DOCK1: variants seen among roughly 807,000 people sequenced by gnomAD.
DOCK1 encodes dedicator of cytokinesis 1.
Under a neutral mutation model 262.7 loss-of-function variants are expected in DOCK1, and 138 were observed. That is an observed-to-expected ratio of 0.53 (90% CI 0.46 to 0.61). The LOEUF is 0.61. DOCK1 is among the 20% of genes least tolerant of loss of function. The probability of loss-of-function intolerance (pLI) is 0.00; values close to 1 mark genes in which losing one functional copy is unlikely to be tolerated. For synonymous variants in DOCK1, 866 were observed against 867.4 expected (o/e 1.00, Z 0.03); for missense variants, 1,908 against 2,370.7 (o/e 0.80, Z 4.05).
chr10:127,036,953 G>A (rs894765335), intron 18 of DOCK1, among the ~76,000 whole-genome samples: 8 of 145,134 alleles, frequency 5.5e-5, no homozygotes, highest in Non-Finnish European at 1.2e-4. Context: ...CTCCAGCCTG[G>A]GCAGCAAGAG....
chr10:127,010,457 A>C (rs1007616510), intron 11 of DOCK1, among the ~76,000 whole-genome samples: 4 of 152,202 alleles, frequency 2.6e-5, no homozygotes, highest in Non-Finnish European at 5.9e-5. Context: ...ACAGAGGGAG[A>C]TTCTGTCTCA....
At chr10:127,321,260 C>T (rs548333381) in intron 29 of DOCK1, among the ~76,000 whole-genome samples, 2 of 132,418 alleles carry the variant, frequency 1.5e-5, no homozygotes, top group African/African-American at 5.7e-5. Flanking sequence ...CTCTCCTCCC[C>T]TCTCCTCCCC....
At chr10:127,123,231 G>T (rs140637823) in intron 25 of DOCK1, among the ~76,000 whole-genome samples, 2,503 of 152,222 alleles carry the variant, frequency 0.016, 30 homozygotes, top group Non-Finnish European at 0.025. Context: ...TACCTGCTCA[G>T]GTCTTAGTGG....
At chr10:127,244,484 G>T (rs951957014) in intron 27 of DOCK1, among the ~76,000 whole-genome samples, 1 of 152,078 alleles carries the variant, frequency 6.6e-6, no homozygotes, top group East Asian at 1.9e-4. Flanking sequence ...TTTTAAAAAG[G>T]TTATAGCAAT....
chr10:127,272,797 G>T (rs937813202), intron 29 of DOCK1, among the ~76,000 whole-genome samples: 1 of 152,204 alleles, frequency 6.6e-6, no homozygotes, highest in African/African-American at 2.4e-5. Flanking sequence ...GGCAGAAGGT[G>T]AAGGGCATGT....
At chr10:127,093,239 C>CTTTCTTTCTTTCTTTCTTTT (rs372397425) in intron 23 of DOCK1, among the ~76,000 whole-genome samples, 1 of 94,262 alleles carries the variant, frequency 1.1e-5, no homozygotes, top group African/African-American at 4.9e-5. Context: ...TTCTTTCTTT[C>CTTTCTTTCTTTCTTTCTTTT]TTCTTTTTTT....
At chr10:127,153,939 A>G in intron 27 of DOCK1, 1 of 1,608,310 alleles carries the variant, frequency 6.2e-7, no homozygotes, top group Non-Finnish European at 8.5e-7. Flanking sequence ...AGATAAGAAC[A>G]GGAGAGCATT....
At chr10:127,112,696 TATTGTGGGCTAAATGAACCA>T in intron 25 of DOCK1, among the ~76,000 whole-genome samples, 1 of 152,274 alleles carries the variant, frequency 6.6e-6, no homozygotes, top group Non-Finnish European at 1.5e-5. Context: ...AATCCCAAAT[TATTGTGGGCTAAATGAACCA>T]AAATTAGCCC....
At chr10:127,393,344 G>C (rs140297735) in intron 38 of DOCK1, among the ~76,000 whole-genome samples, 1 of 152,134 alleles carries the variant, frequency 6.6e-6, no homozygotes, top group Non-Finnish European at 1.5e-5. Flanking sequence ...CTGTCTCCTC[G>C]TGGCCCATTT....
chr10:127,419,395 G>A (rs935653862), intron 45 of DOCK1, among the ~76,000 whole-genome samples: 1 of 152,196 alleles, frequency 6.6e-6, no homozygotes, highest in African/African-American at 2.4e-5. Context: ...CCACCCAGCA[G>A]GACCAAGCCA....
chr10:127,396,540 C>G (rs950822549), intron 38 of DOCK1, among the ~76,000 whole-genome samples: 3 of 152,194 alleles, frequency 2.0e-5, no homozygotes, highest in African/African-American at 7.2e-5. Context: ...TGCTGTTCCT[C>G]TCCTCCTGTT....
chr10:126,925,491 A>C (rs11813165), intron 1 of DOCK1, among the ~76,000 whole-genome samples: 8,564 of 152,158 alleles, frequency 0.056, 797 homozygotes, highest in African/African-American at 0.2. Flanking sequence ...TCAAGCAATT[A>C]TCTTGCCTCA....
At position 127,378,914 on chromosome 10, in the gene DOCK1, T is replaced by A. The variant is rs72841530; in HGVS notation, c.3676-1168T>A. Among the ~76,000 whole-genome samples the A allele has an allele frequency of 9.0e-3, 1,364 of 152,390 alleles. 10 individuals are homozygous for A. The highest frequency in any genetic ancestry group is 0.025 in the Admixed American group (380 of 15,312). The stretch of plus-strand genomic sequence containing the variant: ...GAAAATCTTGGTGCATTTTTCTAAA[T>A]GTGCCCCCGCTTATTTTCTAGACTT... On this transcript the variant is annotated intron_variant, in intron 35 of 51. Transcript: ENST00000623213.
At chr10:126,962,468 A>G (rs1345981968) in intron 1 of DOCK1, among the ~76,000 whole-genome samples, 1 of 150,778 alleles carries the variant, frequency 6.6e-6, no homozygotes, top group Non-Finnish European at 1.5e-5. Flanking sequence ...CAGTTTTGGC[A>G]TTTTTTTTAG....
chr10:127,427,968 G>A (rs1484323739), intron 47 of DOCK1, among the ~76,000 whole-genome samples: 1 of 152,250 alleles, frequency 6.6e-6, no homozygotes, highest in Non-Finnish European at 1.5e-5. Context: ...CCCAGCGGGA[G>A]CTGCTGCAGG....
chr10:127,083,503 G>C (rs2047025471), intron 23 of DOCK1, among the ~76,000 whole-genome samples: 1 of 152,188 alleles, frequency 6.6e-6, no homozygotes. Flanking sequence ...AATCATCTAA[G>C]AAACTCACTA....
intron 25 of DOCK1, among the ~76,000 whole-genome samples, chr10:127,117,982 C>T (rs1264575081): frequency 2.0e-5 from 3 of 152,118 alleles, no homozygotes; most frequent in Admixed American, 6.5e-5. Flanking sequence ...ACAGTCCTTC[C>T]GCTAAGATGA....
chr10:127,090,487 T>G (rs1256977472), intron 23 of DOCK1, among the ~76,000 whole-genome samples: 1 of 152,108 alleles, frequency 6.6e-6, no homozygotes, highest in African/African-American at 2.4e-5. Context: ...TGTTAATAAT[T>G]TATTTCTTAA....
At chr10:127,301,130 T>C (rs567355149) in intron 29 of DOCK1, among the ~76,000 whole-genome samples, 2 of 152,164 alleles carry the variant, frequency 1.3e-5, no homozygotes, top group East Asian at 3.9e-4. Context: ...AAGGGGAGGA[T>C]TTGTGAAGCT....
Sources: allele counts gnomAD v4.1 joint callset (sites outside exome capture counted in the v4.1 genomes callset), GRCh38; gene constraint gnomAD v4.1.1; transcripts MANE v1.5; gene names NCBI Gene and HGNC (gene_info 2026-07-23, HGNC 2026-07-21).